The following SYP variants were observed in gnomAD, a reference collection of about 807,000 sequenced individuals.
SYP encodes synaptophysin, also known as major synaptic vesicle protein P38.
SYP carries 2 observed loss-of-function variants against 24.3 expected under a neutral mutation model. The ratio of observed to expected loss-of-function variants is 0.08; its 90% CI spans 0.03 to 0.26. The LOEUF (loss-of-function observed/expected upper bound fraction) is 0.26. SYP is among the 10% of genes least tolerant of loss of function. The pLI, the probability that SYP is intolerant of heterozygous loss-of-function variation, is 1.00. For missense variants in SYP, 216 were observed against 266.3 expected (o/e 0.81, Z 1.32); for synonymous variants, 143 against 123.2 (o/e 1.16, Z -1.07).
intron 5 of SYP, among the ~76,000 whole-genome samples, 169 bp from the exon 6 acceptor site, chrX:49,191,932 C>T (rs2065511247): frequency 8.9e-6 from 1 of 112,603 alleles, no homozygotes; most frequent in Non-Finnish European, 1.9e-5. Context: ...GAAAAATCAC[C>T]TCTGGCGGGG....
intron 6 of SYP, chrX:49,190,497 T>TCTTTA (rs201299330): frequency 4.0e-5 from 4 of 100,882 alleles, no homozygotes; most frequent in African/African-American, 1.5e-4. Flanking sequence ...TTTCTTTCTT[T>TCTTTA]TTTTCTTCCT....
At chrX:49,193,910 T>G (rs1357255772) in intron 4 of SYP, among the ~76,000 whole-genome samples, 1 of 111,159 alleles carries the variant, frequency 9.0e-6, no homozygotes, top group Non-Finnish European at 1.9e-5. Flanking sequence ...GGCTGTGTAG[T>G]TGTGTGAGAG....
Position 49,191,599 on chromosome X carries a change from G to C in SYP, c.780C>G (p.Gly260=). ...CGTAGGAATCCTGGGGCCCGTACCCGCCGGGGCCCTGCCCGTAGCCTGCAT... is the reference window on the plus strand; with the variant it reads ...CGTAGGAATCCTGGGGCCCGTACCCCCCGGGGCCCTGCCCGTAGCCTGCAT... The part of the protein sequence containing the change: ...YGDAGYGQGP[G]GYGPQDSYGP... Residue 260 remains glycine, a synonymous_variant, in exon 6 of 7, where the codon GGC becomes GGG. Coordinates refer to ENST00000263233, the MANE Select transcript of SYP (RefSeq NM_003179.3). 2.5e-6 allele frequency: 3 copies of C among 1,209,555 alleles called. No individual in the cohort carries two copies. The highest frequency in any genetic ancestry group is 3.4e-6 in the Non-Finnish European group (3 of 894,797).
chrX:49,190,654 G>A (rs1557102552), intron 6 of SYP: 1 of 109,088 alleles, frequency 9.2e-6, no homozygotes, highest in African/African-American at 3.4e-5. Context: ...GAGTAGATGG[G>A]TCCACAGATG....
At chrX:49,194,427 A>C (rs923475803) in intron 3 of SYP, 66 bp from the exon 4 acceptor site, 37 of 1,085,277 alleles carry the variant, frequency 3.4e-5, no homozygotes, top group Non-Finnish European at 4.7e-5. Flanking sequence ...CAGCCCAATC[A>C]TGGGTCCCCC....
intron 3 of SYP, among the ~76,000 whole-genome samples, chrX:49,194,651 T>G (rs2065522048): frequency 9.1e-6 from 1 of 109,903 alleles, no homozygotes; most frequent in African/African-American, 3.3e-5. Flanking sequence ...GGCTGTTCCC[T>G]TTGCCAGGAA....
At chrX:49,197,098 C>T (rs5906753) in intron 3 of SYP, 55,484 of 107,845 alleles carry the variant, frequency 0.51, 11,933 homozygotes, top group Middle Eastern at 0.69. Flanking sequence ...ATTCTCCTGC[C>T]TCAGCCTCCT....
At chrX:49,196,405 C>G in intron 3 of SYP, among the ~76,000 whole-genome samples, 1 of 111,584 alleles carries the variant, frequency 9.0e-6, no homozygotes, top group Non-Finnish European at 1.9e-5. Flanking sequence ...CCTACATTTA[C>G]CCTCAGTACT....
rs782223076 is a variant in SYP, at chrX:49,191,600, C to T, written c.779G>A (p.Gly260Asp). Reference sequence around the variant, plus strand: ...GTAGGAATCCTGGGGCCCGTACCCGCCGGGGCCCTGCCCGTAGCCTGCATC... The same window carrying T: ...GTAGGAATCCTGGGGCCCGTACCCGTCGGGGCCCTGCCCGTAGCCTGCATC... Reference protein sequence around the residue: ...YGDAGYGQGPGGYGPQDSYGP... With the variant: ...YGDAGYGQGPDGYGPQDSYGP... The change falls in exon 6 of 7, where the codon GGC becomes GAC. Residue 260 changes from glycine (G) to aspartate (D), a missense_variant. Around this residue, in one of 2 missense-constraint regions of SYP, gnomAD observed 114 missense variants for 107.9 expected, o/e 1.06. Coordinates refer to ENST00000263233, the MANE Select transcript of SYP (RefSeq NM_003179.3). The T allele has an allele frequency of 8.3e-7, 1 of 1,209,785 alleles. No individual in the cohort carries two copies. Among genetic ancestry groups the T allele is most frequent in the Non-Finnish European group, 1.1e-6 (1 of 894,879 alleles).
chrX:49,198,810 C>T lies in SYP; in HGVS notation c.102+158G>A, dbSNP rs782600509. On this transcript the variant is annotated intron_variant, in intron 2 of 6. Coordinates refer to ENST00000263233, the MANE Select transcript of SYP (RefSeq NM_003179.3). ...TCACAGCTCATCTGTTTTCTGGCTTCAGACCCCTGAAACCTCACCCTGGAG... is the reference window on the plus strand; with the variant it reads ...TCACAGCTCATCTGTTTTCTGGCTTTAGACCCCTGAAACCTCACCCTGGAG... 6.1e-4 allele frequency: 364 copies of T among 597,729 alleles called. 1 individual carries two copies. Among genetic ancestry groups the T allele is most frequent in the Non-Finnish European group, 9.5e-4 (348 of 365,560 alleles). The allele number at this position is 597,729 out of a possible 1,213,427, so 49.3% of individuals were successfully genotyped here.
chrX:49,192,001 T>C (rs1014372408), intron 5 of SYP, among the ~76,000 whole-genome samples: 1 of 112,502 alleles, frequency 8.9e-6, no homozygotes, highest in Non-Finnish European at 1.9e-5. Context: ...GTATTACATA[T>C]ACAATTATTT....
chrX:49,198,863 C>T (rs2065539106), intron 2 of SYP, 105 bp downstream of exon 2: 4 of 943,758 alleles, frequency 4.2e-6, no homozygotes, highest in East Asian at 3.3e-5. Context: ...CTACAACCCC[C>T]GCACTCATCC....
Position 49,191,568 on chromosome X carries a change from G to C in SYP, c.811C>G (p.Gln271Glu). ...CCATAGTCAGGCTGGTAGCCGCCCT[G>C]AGGCCCGTAGGAATCCTGGGGCCCG... ...GYGPQDSYGP[Q>E]GGYQPDYGQP... The change falls in exon 6 of 7, where the codon CAG (glutamine) becomes GAG (glutamate). Residue 271 changes from glutamine to glutamate, a missense_variant. This residue lies in a region of SYP where 114 missense variants were observed against 107.9 expected (regional missense o/e 1.06). Coordinates refer to ENST00000263233, the MANE Select transcript of SYP (RefSeq NM_003179.3). The C allele has an allele frequency of 8.3e-7, 1 of 1,210,351 alleles. No homozygotes were observed. Among genetic ancestry groups the C allele is most frequent in the African/African-American group, 1.7e-5 (1 of 57,895 alleles).
At chrX:49,200,038 C>A in intron 1 of SYP, 113 bp downstream of exon 1, 1 of 954,051 alleles carries the variant, frequency 1.0e-6, no homozygotes, top group African/African-American at 2.0e-5. Flanking sequence ...CGCCGGGGAC[C>A]GGGTCTCCGC....
chrX:49,191,068 C>T (rs2065505890), intron 6 of SYP: 2 of 302,796 alleles, frequency 6.6e-6, no homozygotes, highest in South Asian at 3.8e-5. Flanking sequence ...CCCACCTCCT[C>T]GTCGCTTCCG....
intron 1 of SYP, 25 bp downstream of exon 1, chrX:49,200,126 C>G (rs1366294824): frequency 1.7e-6 from 2 of 1,164,536 alleles, no homozygotes; most frequent in African/African-American, 3.6e-5. Context: ...GCGGCGGGCT[C>G]TGTCCACGGT....
chrX:49,198,382 C>G (rs2065536709), intron 2 of SYP: 1 of 121,827 alleles, frequency 8.2e-6, no homozygotes, highest in Non-Finnish European at 1.7e-5. Flanking sequence ...CCTCTTGCCT[C>G]TGTGTGTTGG....
chrX:49,197,011 T>G (rs1420945106), intron 3 of SYP: 2 of 108,801 alleles, frequency 1.8e-5, no homozygotes, highest in African/African-American at 6.7e-5. Context: ...TGGTTTTTTT[T>G]TTTTTGGAGA....
At chrX:49,195,906 G>C (rs1557103320) in intron 3 of SYP, among the ~76,000 whole-genome samples, 1 of 112,085 alleles carries the variant, frequency 8.9e-6, no homozygotes, top group Non-Finnish European at 1.9e-5. Context: ...CTTGCCCAAG[G>C]TTGTACAGCT....
Sources: allele counts gnomAD v4.1 joint callset (sites outside exome capture counted in the v4.1 genomes callset), GRCh38; gene constraint gnomAD v4.1.1; regional missense constraint gnomAD v4.1.1; transcripts MANE v1.5; gene names NCBI Gene and HGNC (gene_info 2026-07-23, HGNC 2026-07-21).